Variants in USH2A observed in about 807,000 individuals in gnomAD.
USH2A encodes usherin, also known as Usher syndrome 2A (autosomal recessive, mild).
Under a neutral mutation model 538.9 loss-of-function variants are expected in USH2A, and 443 were observed. That is an observed-to-expected ratio of 0.82 (90% CI 0.76 to 0.89). The LOEUF is 0.89. Among genes scored for constraint, USH2A ranks in the 40% least tolerant of loss-of-function variants. USH2A has a pLI of 0.00. For synonymous variants in USH2A, 2,413 were observed against 2,273.5 expected (o/e 1.06, Z -1.75); for missense variants, 6,633 against 6,324.8 (o/e 1.05, Z -1.65).
At chr1:215,664,709 G>A (rs980837878) in intron 64 of USH2A, among the ~76,000 whole-genome samples, 3 of 152,116 alleles carry the variant, frequency 2.0e-5, no homozygotes, top group Non-Finnish European at 2.9e-5. Flanking sequence ...TGGTATGGAG[G>A]CCTTTGGGAG....
intron 37 of USH2A, 30 bp downstream of exon 37, chr1:215,965,283 GTTAT>G (rs1000155021): frequency 1.9e-6 from 3 of 1,583,402 alleles, no homozygotes; most frequent in East Asian, 2.2e-5. Context: ...GTTTTCTAAT[GTTAT>G]TTAAAGTTTA....
intron 11 of USH2A, among the ~76,000 whole-genome samples, chr1:216,284,551 T>A (rs1458035912): frequency 6.6e-6 from 1 of 152,148 alleles, no homozygotes; most frequent in African/African-American, 2.4e-5. Flanking sequence ...TTCTTATAGT[T>A]GAGTGAGAAT....
intron 11 of USH2A, among the ~76,000 whole-genome samples, chr1:216,264,567 G>A (rs1009931837): frequency 6.6e-6 from 1 of 152,004 alleles, no homozygotes; most frequent in Non-Finnish European, 1.5e-5. Context: ...CAAAGTGCTG[G>A]GATTACAGGC....
intron 5 of USH2A, among the ~76,000 whole-genome samples, chr1:216,327,152 T>C (rs914175310): frequency 6.6e-6 from 1 of 152,178 alleles, no homozygotes; most frequent in Non-Finnish European, 1.5e-5. Context: ...AATAGATCAG[T>C]CTCTTGAGAA....
Position 216,392,643 on chromosome 1 carries a change from T to G in USH2A, c.651+25871A>C, listed in dbSNP as rs73100685. On this transcript the variant is annotated intron_variant, in intron 3 of 71. Coordinates refer to ENST00000307340, the MANE Select transcript of USH2A (RefSeq NM_206933.4). The stretch of plus-strand genomic sequence containing the variant: ...ACTATGAAGGTACATGAAAATAAAC[T>G]GTGATACAATGCTGTTTTTTTAAAA... Among the ~76,000 whole-genome samples the G allele has an allele frequency of 4.5e-3, 684 of 152,148 alleles. 7 individuals carry two copies. Among genetic ancestry groups the G allele is most frequent in the African/African-American group, 0.015 (632 of 41,506 alleles).
intron 21 of USH2A, among the ~76,000 whole-genome samples, chr1:216,105,791 T>C (rs1185032177): frequency 6.6e-6 from 1 of 152,044 alleles, no homozygotes; most frequent in African/African-American, 2.4e-5. Flanking sequence ...TTCTAAGTTA[T>C]GTTTTATAGC....
chr1:215,909,210 G>A (rs976976779), intron 38 of USH2A, among the ~76,000 whole-genome samples: 3 of 151,626 alleles, frequency 2.0e-5, no homozygotes, highest in East Asian at 3.9e-4. Flanking sequence ...ATTAAGAGGG[G>A]TGAGATGAAA....
chr1:215,638,344 G>C (rs113893016), intron 69 of USH2A, among the ~76,000 whole-genome samples: 52 of 152,262 alleles, frequency 3.4e-4, no homozygotes, highest in African/African-American at 1.2e-3. Context: ...TTCTGGCCAG[G>C]TGCAGTGGCT....
At chr1:215,974,929 G>A (rs1667586872) in intron 35 of USH2A, among the ~76,000 whole-genome samples, 2 of 152,144 alleles carry the variant, frequency 1.3e-5, no homozygotes, top group African/African-American at 4.8e-5. Flanking sequence ...TTCCACAGTG[G>A]CCGAACTAAT....
intron 15 of USH2A, among the ~76,000 whole-genome samples, chr1:216,210,365 T>A (rs1572053924): frequency 6.6e-6 from 1 of 151,974 alleles, no homozygotes; most frequent in East Asian, 1.9e-4. Context: ...CAGGCACAAG[T>A]GTTTCTTGTT....
At chr1:215,758,870 T>C (rs1660892685) in intron 57 of USH2A, 118 bp from the exon 58 acceptor site, 8 of 1,111,174 alleles carry the variant, frequency 7.2e-6, no homozygotes, top group Non-Finnish European at 1.1e-5. Context: ...GCAAACTCTT[T>C]GCCCCCTTTC....
chr1:216,125,691 T>C (rs550734742), intron 21 of USH2A, among the ~76,000 whole-genome samples: 84 of 152,258 alleles, frequency 5.5e-4, no homozygotes, highest in African/African-American at 2.0e-3. Context: ...GCTGCAGCAA[T>C]AAGAAACCAA....
At chr1:215,962,142 CAAAG>C (rs1010454191) in intron 37 of USH2A, among the ~76,000 whole-genome samples, 1 of 151,948 alleles carries the variant, frequency 6.6e-6, no homozygotes, top group Non-Finnish European at 1.5e-5. Flanking sequence ...ATCGAATTGG[CAAAG>C]ATAAGTCTGA....
intron 21 of USH2A, among the ~76,000 whole-genome samples, chr1:216,124,295 A>G (rs2033200870): frequency 6.6e-6 from 1 of 152,168 alleles, no homozygotes; most frequent in Non-Finnish European, 1.5e-5. Context: ...TAGCCAAAGC[A>G]CAGAAACCCC....
chr1:215,719,437 T>C (rs903937325), intron 61 of USH2A, among the ~76,000 whole-genome samples: 2 of 151,674 alleles, frequency 1.3e-5, no homozygotes, highest in Admixed American at 6.6e-5. Context: ...ATCCAGTATT[T>C]GGAAAATTAC....
chr1:215,879,078 G>A lies in USH2A; in HGVS notation c.8244C>T (p.Leu2748=), dbSNP rs111033506. The A allele has an allele frequency of 3.1e-6, 5 of 1,613,862 alleles. No individual in the cohort carries two copies. Among genetic ancestry groups the A allele is most frequent in the Non-Finnish European group, 4.2e-6 (5 of 1,179,878 alleles). The part of the protein sequence containing the change: ...DAVQVTWKPP[L]IQNGDILSYE... ...AGCTAAGTATGTCTCCGTTCTGGAT[G>A]AGTGGGGGTTTCCAAGTGACCTGAA... is the stretch of plus-strand genomic sequence containing the variant. Residue 2748 remains leucine, a synonymous_variant, in exon 42 of 72, where the codon CTC becomes CTT. Coordinates refer to ENST00000307340, the MANE Select transcript of USH2A (RefSeq NM_206933.4).
intron 14 of USH2A, among the ~76,000 whole-genome samples, chr1:216,231,237 T>TATATATATTATATATTATATATATA (rs2035672675): frequency 2.4e-5 from 1 of 41,234 alleles, no homozygotes. Context: ...ATATCCCATA[T>TATATATATTATATATTATATATATA]ATATATATAT....
chr1:215,740,957 G>A (rs113068482), intron 60 of USH2A, among the ~76,000 whole-genome samples: 4 of 152,240 alleles, frequency 2.6e-5, no homozygotes, highest in African/African-American at 7.2e-5. Context: ...GTGAAGCTCC[G>A]GTGGTAATGC....
chr1:216,370,742 GA>G (rs1372898186), intron 3 of USH2A, among the ~76,000 whole-genome samples: 1 of 145,766 alleles, frequency 6.9e-6, no homozygotes, highest in Non-Finnish European at 1.5e-5. Flanking sequence ...TGGTTTCAGA[GA>G]CAGTTTTAAA....
Sources: gnomAD v4.1 joint callset for allele counts (sites outside exome capture counted in the v4.1 genomes callset) on GRCh38, gnomAD v4.1.1 for gene constraint, MANE v1.5 for transcripts, NCBI Gene and HGNC (gene_info 2026-07-23, HGNC 2026-07-21) for gene names.